Variants in CIT observed in about 807,000 individuals in gnomAD.
The protein encoded by CIT is citron Rho-interacting kinase.
A neutral mutation model predicts 272.7 loss-of-function variants in CIT; 79 were observed. The observed-to-expected ratio is 0.29, with a 90% confidence interval of 0.24 to 0.35. CIT has a LOEUF of 0.35. Ranked by LOEUF, CIT falls within the 10% of genes least tolerant of loss-of-function variation. CIT has a pLI of 1.00. For missense variants in CIT, 1,909 were observed against 2,618.3 expected (o/e 0.73, Z 5.91); for synonymous variants, 948 against 995.6 (o/e 0.95, Z 0.90).
chr12:119,779,836 T>C lies in CIT; in HGVS notation c.1665+2682A>G, dbSNP rs200848056. 3.9e-5 allele frequency among the ~76,000 whole-genome samples: 6 copies of C among 152,142 alleles called. No individual in the cohort carries two copies. In the East Asian group the frequency reaches 7.7e-4, roughly 20 times the overall value. Reference sequence around the variant, plus strand: ...GCATCAAAAGAAAATTCTAACTCATTTGTGGATCCTTTGATATTGTGCAGG... The same window carrying C: ...GCATCAAAAGAAAATTCTAACTCATCTGTGGATCCTTTGATATTGTGCAGG... On this transcript the variant is annotated intron_variant, in intron 13 of 47. Transcript: ENST00000392521.
rs764674171 is a variant in CIT at position 119,697,769 on chromosome 12, C to T, written c.5772G>A (p.Ala1924=). ...RYLGPAISSG[A]IYLASSYQDK... ...CCTGGTATGAGGACGCCAAGTAAAT[C>T]GCTCCTGAGGAAATGGCAGGGCCCA... is the stretch of plus-strand genomic sequence containing the variant. The change falls in exon 46 of 48, where the codon GCG becomes GCA. Residue 1924 remains alanine, a synonymous_variant. Transcript: ENST00000392521. This position sits in a 1 kb window ranked among gnomAD's most constrained non-coding sequence, Gnocchi z 4.9. The T allele has an allele frequency of 1.8e-5, 29 of 1,614,142 alleles. No homozygotes were observed. The highest frequency in any genetic ancestry group is 8.3e-5 in the Admixed American group (5 of 60,018).
intron 5 of CIT, among the ~76,000 whole-genome samples, chr12:119,838,032 T>C (rs1001810918): frequency 1.3e-5 from 2 of 152,172 alleles, no homozygotes; most frequent in African/African-American, 4.8e-5. Flanking sequence ...AATCCCCGAC[T>C]CCATAAAGCT....
rs1218370883 is a variant in CIT, at chr12:119,768,151, A to T, written c.2209-969T>A. On this transcript the variant is annotated intron_variant, in intron 18 of 47. Transcript: ENST00000392521. The surrounding 1 kb of genome is among the most constrained non-coding windows in gnomAD (Gnocchi z 4.3). ...GGTTTCAAACTCCTGACCTCAGGTG[A>T]TCCACCCGCCTCAGCCTCCCAAAGT... Among the ~76,000 whole-genome samples, 1 of 152,152 alleles carries T rather than the reference A, an allele frequency of 6.6e-6. No homozygotes were observed. The highest frequency in any genetic ancestry group is 1.5e-5 in the Non-Finnish European group (1 of 68,020).
At chr12:119,824,994 G>T (rs1010438456) in intron 8 of CIT, among the ~76,000 whole-genome samples, 171 bp downstream of exon 8, 2 of 152,066 alleles carry the variant, frequency 1.3e-5, no homozygotes, top group Admixed American at 6.6e-5. Flanking sequence ...TAGAGATGGG[G>T]TTTCACCATG....
chr12:119,848,860 T>C (rs568829759), intron 5 of CIT, among the ~76,000 whole-genome samples: 10 of 152,100 alleles, frequency 6.6e-5, no homozygotes, highest in Admixed American at 3.9e-4. Context: ...ACCCCGTCTC[T>C]ACTAAAAATA....
rs1233595408 is a variant in CIT, at chr12:119,713,801, C to A, written c.4307-153G>T. 28 of 761,160 alleles carry A rather than the reference C, an allele frequency of 3.7e-5. No individual in the cohort carries two copies. Among genetic ancestry groups the A allele is most frequent in the Non-Finnish European group, 5.4e-5 (25 of 464,220 alleles). The allele number at this position is 761,160 out of a possible 1,614,324, so 47.2% of individuals were successfully genotyped here. ...GTAGTCTCCTGAGCTTCCCCTGGTG[C>A]CAGGCCCCTGCAGAAAGGGAAAACA... On this transcript the variant is annotated intron_variant, in intron 33 of 47. Transcript: ENST00000392521. The surrounding 1 kb of genome is among the most constrained non-coding windows in gnomAD (Gnocchi z 5.2).
At chr12:119,868,479 C>T (rs1250942639) in intron 3 of CIT, among the ~76,000 whole-genome samples, 1 of 152,160 alleles carries the variant, frequency 6.6e-6, no homozygotes, top group Non-Finnish European at 1.5e-5. Flanking sequence ...GTCTCTGGAA[C>T]TAGCTATGCC....
intron 13 of CIT, among the ~76,000 whole-genome samples, chr12:119,781,249 G>A (rs927901738): frequency 9.2e-5 from 14 of 152,148 alleles, no homozygotes; most frequent in East Asian, 1.9e-4. Flanking sequence ...CAGGGTTTCC[G>A]TCCTATGCAC....
chr12:119,791,419 C>A (rs1033026488), intron 10 of CIT, among the ~76,000 whole-genome samples: 2 of 152,198 alleles, frequency 1.3e-5, no homozygotes, highest in Non-Finnish European at 2.9e-5. Context: ...AAAGCTCACC[C>A]CACAAGAGCA....
chr12:119,801,917 C>T (rs1376260627), intron 10 of CIT, among the ~76,000 whole-genome samples: 2 of 152,132 alleles, frequency 1.3e-5, no homozygotes, highest in Non-Finnish European at 2.9e-5. Context: ...CAAGAAAGAC[C>T]ACTTCAACAT....
rs1297457085 is a variant in CIT at position 119,690,518 on chromosome 12, T to C, written c.5883-64A>G. The C allele has an allele frequency of 6.9e-7, 1 of 1,443,680 alleles. No individual in the cohort carries two copies. The highest frequency in any genetic ancestry group is 2.6e-5 in the East Asian group (1 of 38,198). The allele number at this position is 1,443,680 out of a possible 1,614,324, so 89.4% of individuals were successfully genotyped here. Reference sequence around the variant, plus strand: ...CAACCCCAGAGGGGCATTTTCCTTCTTACCTGAGCAACCCCCTCCTTGACC... The same window carrying C: ...CAACCCCAGAGGGGCATTTTCCTTCCTACCTGAGCAACCCCCTCCTTGACC... On this transcript the variant is annotated intron_variant, in intron 46 of 47. Coordinates refer to ENST00000392521, the MANE Select transcript of CIT (RefSeq NM_001206999.2). The surrounding 1 kb of genome is among the most constrained non-coding windows in gnomAD (Gnocchi z 6.0).
At position 119,767,180 on chromosome 12, in the gene CIT, C is replaced by T; in HGVS notation, c.2211G>A (p.Glu737=). Residue 737 remains glutamate (E), a splice_region_variant and synonymous_variant, in exon 19 of 48, where the codon GAG becomes GAA. Transcript: ENST00000392521. ...QIQQMADKIL[E]LEEKHREAQV... is the part of the protein sequence containing the mutation. ...GGGCCTCCCGATGTTTCTCTTCGAG[C>T]TCCTAGACACAAAAGAAAAGACAGT... is the stretch of plus-strand genomic sequence containing the variant. The T allele has an allele frequency of 6.2e-7, 1 of 1,607,910 alleles. No homozygotes were observed. The highest frequency in any genetic ancestry group is 8.5e-7 in the Non-Finnish European group (1 of 1,176,908).
At chr12:119,716,758 T>C (rs1352775881) in intron 32 of CIT, among the ~76,000 whole-genome samples, 1 of 152,136 alleles carries the variant, frequency 6.6e-6, no homozygotes, top group Non-Finnish European at 1.5e-5. Context: ...TTCCCAGGAA[T>C]TTCTCCAGGC....
intron 3 of CIT, among the ~76,000 whole-genome samples, chr12:119,862,716 A>T (rs1950377749): frequency 6.9e-6 from 1 of 144,490 alleles, no homozygotes; most frequent in South Asian, 2.3e-4. Context: ...AGGCTGAGGC[A>T]GGAGAATTGC....
chr12:119,867,621 T>C (rs1414640488), intron 3 of CIT, among the ~76,000 whole-genome samples: 4 of 152,218 alleles, frequency 2.6e-5, no homozygotes, highest in African/African-American at 9.6e-5. Context: ...GGGGCTGCTT[T>C]GTGCACTGTA....
intron 5 of CIT, among the ~76,000 whole-genome samples, chr12:119,837,123 T>C (rs868687380): frequency 6.6e-6 from 1 of 152,214 alleles, no homozygotes; most frequent in Non-Finnish European, 1.5e-5. Context: ...TTATCAAAGA[T>C]GCTAATCAAA....
In CIT at chr12:119,713,313, A is replaced by G; in HGVS notation, c.4488-19T>C. 1 of 1,611,338 alleles carries G rather than the reference A, an allele frequency of 6.2e-7. No individual in the cohort carries two copies. The highest frequency in any genetic ancestry group is 8.5e-7 in the Non-Finnish European group (1 of 1,177,754). On this transcript the variant is annotated intron_variant, in intron 34 of 47. Transcript: ENST00000392521. This position sits in a 1 kb window ranked among gnomAD's most constrained non-coding sequence, Gnocchi z 5.2. Reference sequence around the variant, plus strand: ...GTTATTCCTGGGGAAAGAAAGATGGAAAAGAAAAATGTCTGAACTCAGAAG... The same window carrying G: ...GTTATTCCTGGGGAAAGAAAGATGGGAAAGAAAAATGTCTGAACTCAGAAG...
chr12:119,829,390 A>AGAAGG (rs1342448462), intron 7 of CIT, among the ~76,000 whole-genome samples: 3 of 151,300 alleles, frequency 2.0e-5, no homozygotes, highest in African/African-American at 7.3e-5. Context: ...AGAAGAGAAG[A>AGAAGG]GAAGAGAAGA....
At chr12:119,759,445 A>G (rs1486628794) in intron 20 of CIT, among the ~76,000 whole-genome samples, 1 of 152,230 alleles carries the variant, frequency 6.6e-6, no homozygotes, top group African/African-American at 2.4e-5. Flanking sequence ...CAGGAATTCC[A>G]GACCAGCCTG....
Sources: gnomAD v4.1 joint callset for allele counts (sites outside exome capture counted in the v4.1 genomes callset) on GRCh38, gnomAD v4.1.1 for gene constraint, Gnocchi (gnomAD v3.1) non-coding constraint, MANE v1.5 for transcripts, NCBI Gene and HGNC (gene_info 2026-07-23, HGNC 2026-07-21) for gene names.